The following SP110 variants were observed in gnomAD, a reference collection of about 807,000 sequenced individuals.
The protein encoded by SP110 is interferon-induced protein 41, 30kD.
Under a neutral mutation model 92.7 loss-of-function variants are expected in SP110, and 62 were observed. That is an observed-to-expected ratio of 0.67 (90% CI 0.55 to 0.83). The LOEUF is 0.83. Ranked by LOEUF, SP110 falls within the 40% of genes least tolerant of loss-of-function variation. SP110 has a pLI of 0.00. For missense variants in SP110, 793 were observed against 863.9 expected (o/e 0.92, Z 1.03); for synonymous variants, 273 against 305.3 (o/e 0.89, Z 1.10).
chr2:230,208,343 G>C (rs1270228805), intron 7 of SP110, among the ~76,000 whole-genome samples: 4 of 152,146 alleles, frequency 2.6e-5, no homozygotes, highest in African/African-American at 9.7e-5. Flanking sequence ...AGTGAGATGA[G>C]AATCAAGAAA....
Position 230,186,039 on chromosome 2 carries a change from C to T in SP110, c.1234G>A (p.Val412Ile), listed in dbSNP as rs112154377. ...STWNSEVMMR[V>I]QKARTKCARK... Reference sequence around the variant, plus strand: ...GCACATTTAGTTCTTGCCTTTTGGACCCTCATCATGACCTCTGAGTTCCAG... The same window carrying T: ...GCACATTTAGTTCTTGCCTTTTGGATCCTCATCATGACCTCTGAGTTCCAG... Residue 412 changes from valine to isoleucine, a missense_variant, in exon 11 of 19, where the codon GTC becomes ATC. Transcript: ENST00000258381. The T allele has an allele frequency of 1.2e-6, 2 of 1,614,092 alleles. No homozygotes were observed. The highest frequency in any genetic ancestry group is 1.7e-6 in the Non-Finnish European group (2 of 1,179,962).
intron 10 of SP110, among the ~76,000 whole-genome samples, chr2:230,197,841 C>A (rs965953027): frequency 6.6e-6 from 1 of 152,084 alleles, no homozygotes; most frequent in Non-Finnish European, 1.5e-5. Context: ...TGTTTTGAGA[C>A]AGGGTCTTAC....
At chr2:230,199,205 C>CTTTTT (rs35807015) in intron 10 of SP110, among the ~76,000 whole-genome samples, 4 of 89,448 alleles carry the variant, frequency 4.5e-5, no homozygotes, top group African/African-American at 9.1e-5. Context: ...ACATAATCCT[C>CTTTTT]TTTTTTTTTT....
At chr2:230,171,650 T>C (rs1231489006) in intron 17 of SP110, 46 bp downstream of exon 17, 1 of 1,458,638 alleles carries the variant, frequency 6.9e-7, no homozygotes. Context: ...GCCCCCAAAT[T>C]TCTCCAAATG....
At chr2:230,220,077 T>C, upstream of SP110, 1 of 985,444 alleles carries the variant, frequency 1.0e-6, no homozygotes. Flanking sequence ...GGCAGGTCGG[T>C]GCCTGCAGCC....
In SP110 at chr2:230,168,917, ATTT is replaced by A. The variant is rs1553839905; in HGVS notation, c.*204_*206del. ...ATCTGATGGTATTAAGGAAGTATTAATTTTTTTTTTTTTTAGTGTAGATATAGA... is the reference window on the plus strand; with the variant it reads ...ATCTGATGGTATTAAGGAAGTATTAATTTTTTTTTTTAGTGTAGATATAGA... On this transcript the variant is annotated 3_prime_UTR_variant, in exon 19 of 19. Transcript: ENST00000258381. 8.0e-5 allele frequency: 34 copies of A among 425,864 alleles called. No individual in the cohort carries two copies. The highest frequency in any genetic ancestry group is 2.7e-4 in the East Asian group (7 of 25,618). 26.4% of individuals were successfully genotyped at this position (425,864 alleles called of 1,614,324 possible).
chr2:230,212,870 C>T lies in SP110; in HGVS notation c.474G>A (p.Glu158=). Residue 158 remains glutamate (E), a synonymous_variant, in exon 4 of 19, where the codon GAG becomes GAA. Transcript: ENST00000258381. ...SCSPCAPRVS[E]PGTSSQQSDE... is the part of the protein sequence containing the mutation. ...CGCTTTGCTGGGAGGATGTTCCAGG[C>T]TCACTGACTCTTGGCGCACAGGGTG... 2 of 1,614,094 alleles carry T rather than the reference C, an allele frequency of 1.2e-6. No individual in the cohort carries two copies.
chr2:230,220,177 GC>G, upstream of SP110: 1 of 648,478 alleles, frequency 1.5e-6, no homozygotes. Flanking sequence ...GTTGGGATCA[GC>G]CCAGAGAGGG....
At chr2:230,175,911 A>G (rs1443636741) in intron 14 of SP110, among the ~76,000 whole-genome samples, 3 of 146,804 alleles carry the variant, frequency 2.0e-5, no homozygotes, top group Non-Finnish European at 3.0e-5. Flanking sequence ...GTCTATTTCA[A>G]TGCCTTTTCT....
rs776664940 is a variant in SP110 at position 230,178,142 on chromosome 2, G to A, written c.1447+15C>T. 19 of 1,516,106 alleles carry A rather than the reference G, an allele frequency of 1.3e-5. No homozygotes were observed. The highest frequency in any genetic ancestry group is 1.6e-5 in the Non-Finnish European group (18 of 1,091,744). The allele number at this position is 1,516,106 out of a possible 1,614,324, so 93.9% of individuals were successfully genotyped here. On this transcript the variant is annotated intron_variant, in intron 13 of 18. Coordinates refer to ENST00000258381, the MANE Select transcript of SP110 (RefSeq NM_080424.4). ...CATCTAGGGATTCCAAAGAGCAGAA[G>A]ACCAAGGAACTCACCGTGTTTCATT...
At chr2:230,221,281 GAAA>G (rs113981247), upstream of SP110, among the ~76,000 whole-genome samples, 2 of 82,606 alleles carry the variant, frequency 2.4e-5, no homozygotes, top group African/African-American at 4.5e-5. Context: ...ACTCCATCTC[GAAA>G]AAAAAAAAAA....
intron 10 of SP110, among the ~76,000 whole-genome samples, chr2:230,188,227 G>GTATTT (rs2042447287): frequency 6.6e-6 from 1 of 152,036 alleles, no homozygotes; most frequent in African/African-American, 2.4e-5. Context: ...ATATTCCTAG[G>GTATTT]TATTTTATTT....
At position 230,167,179 on chromosome 2, in the gene SP110, T is replaced by G. The variant is rs1483981190; in HGVS notation, c.*1945A>C. ...GTGCAGTGGTGCATTCTTGGCTCAC[T>G]GCGACCTCTGCCTCCCAGGCTCATC... On this transcript the variant is annotated 3_prime_UTR_variant, in exon 19 of 19. Transcript: ENST00000258381. 1 of 150,274 alleles carries G rather than the reference T, an allele frequency of 6.7e-6. No individual in the cohort carries two copies. The highest frequency in any genetic ancestry group is 1.5e-5 in the Non-Finnish European group (1 of 67,774). 9.3% of individuals were successfully genotyped at this position (150,274 alleles called of 1,614,324 possible).
Position 230,168,675 on chromosome 2 carries a change from C to T in SP110, c.*449G>A, listed in dbSNP as rs1483099850. 6.1e-6 allele frequency: 1 copy of T among 164,688 alleles called. No homozygotes were observed. Among genetic ancestry groups the T allele is most frequent in the Non-Finnish European group, 1.3e-5 (1 of 75,126 alleles). 10.2% of individuals were successfully genotyped at this position (164,688 alleles called of 1,614,324 possible). The stretch of plus-strand genomic sequence containing the variant: ...ATGAGAGGAAGAGAGGACTATACCA[C>T]TAAGAAAATGCAACCAGAAAATTCC... On this transcript the variant is annotated 3_prime_UTR_variant, in exon 19 of 19. Coordinates refer to ENST00000258381, the MANE Select transcript of SP110 (RefSeq NM_080424.4).
chr2:230,166,832 A>C lies in SP110; in HGVS notation c.*2292T>G, dbSNP rs992029050. Among the ~76,000 whole-genome samples the C allele has an allele frequency of 6.6e-6, 1 of 152,186 alleles. No individual in the cohort carries two copies. Among genetic ancestry groups the C allele is most frequent in the Non-Finnish European group, 1.5e-5 (1 of 68,014 alleles). On this transcript the variant is annotated 3_prime_UTR_variant, in exon 19 of 19. Coordinates refer to ENST00000258381, the MANE Select transcript of SP110 (RefSeq NM_080424.4). Reference sequence around the variant, plus strand: ...TATCATACATATAAATCATGTATCAAGGAAAATTTCCTGCCCTGGGATTAG... The same window carrying C: ...TATCATACATATAAATCATGTATCACGGAAAATTTCCTGCCCTGGGATTAG...
rs886442484 is a variant in SP110, at chr2:230,177,812, A to C, written c.1448-132T>G. On this transcript the variant is annotated intron_variant, in intron 13 of 18. Coordinates refer to ENST00000258381, the MANE Select transcript of SP110 (RefSeq NM_080424.4). ...TCCTCTGTGAGGTGGAAGGAGTAGC[A>C]GGGGAGTCTGCGGGCCTCTTCTCTT... 4.7e-5 allele frequency: 50 copies of C among 1,060,152 alleles called. No individual in the cohort carries two copies. In the African/African-American group the frequency reaches 5.9e-4, roughly 12 times the overall value. 65.7% of individuals were successfully genotyped at this position (1,060,152 alleles called of 1,614,324 possible).
At chr2:230,180,534 A>G (rs1427296) in intron 12 of SP110, among the ~76,000 whole-genome samples, 4,429 of 152,222 alleles carry the variant, frequency 0.029, 213 homozygotes, top group African/African-American at 0.1. Context: ...TGTAAGAAAG[A>G]GAAGGCAATG....
intron 10 of SP110, among the ~76,000 whole-genome samples, chr2:230,187,129 A>G (rs1329443609): frequency 3.9e-5 from 6 of 152,164 alleles, no homozygotes; most frequent in South Asian, 2.1e-4. Context: ...GCAGTGTATA[A>G]ACATTCCCTT....
chr2:230,194,972 G>C (rs1212941089), intron 10 of SP110, among the ~76,000 whole-genome samples: 3 of 152,140 alleles, frequency 2.0e-5, no homozygotes, highest in African/African-American at 7.2e-5. Flanking sequence ...CTGGAGAGGA[G>C]GTCATGCCAG....
Sources: allele counts gnomAD v4.1 joint callset (sites outside exome capture counted in the v4.1 genomes callset), GRCh38; gene constraint gnomAD v4.1.1; transcripts MANE v1.5; gene names NCBI Gene and HGNC (gene_info 2026-07-23, HGNC 2026-07-21).